Variants in SORCS1 observed in about 807,000 individuals in gnomAD.
SORCS1 encodes sortilin related VPS10 domain containing receptor 1, also known as VPS10 domain-containing receptor SorCS1.
In SORCS1, 60 loss-of-function variants were observed where a neutral mutation model predicts 146.1. That is an observed-to-expected ratio of 0.41 (90% CI 0.33 to 0.51). SORCS1 has a LOEUF of 0.51. Ranked by LOEUF, SORCS1 falls within the 20% of genes least tolerant of loss-of-function variation. SORCS1 has a pLI of 0.21. For synonymous variants in SORCS1, 637 were observed against 584.0 expected (o/e 1.09, Z -1.31); for missense variants, 1,352 against 1,487.6 (o/e 0.91, Z 1.50).
chr10:106,902,455 A>G (rs1032675739), intron 2 of SORCS1, among the ~76,000 whole-genome samples: 3 of 152,216 alleles, frequency 2.0e-5, no homozygotes, highest in Admixed American at 2.0e-4. Context: ...ATACATTAGA[A>G]TACTTAAACA....
At chr10:106,884,328 G>C (rs886671856) in intron 2 of SORCS1, among the ~76,000 whole-genome samples, 19 of 152,128 alleles carry the variant, frequency 1.2e-4, no homozygotes, top group Non-Finnish European at 2.4e-4. Context: ...GATTATCTAA[G>C]CTATAACCAC....
chr10:106,795,562 A>C (rs997190116), intron 3 of SORCS1, among the ~76,000 whole-genome samples: 2 of 152,190 alleles, frequency 1.3e-5, no homozygotes, highest in African/African-American at 4.8e-5. Flanking sequence ...TGGCTAAAAG[A>C]GGGGTAAGAA....
chr10:106,669,395 G>T (rs888761845), intron 16 of SORCS1, among the ~76,000 whole-genome samples: 1 of 151,826 alleles, frequency 6.6e-6, no homozygotes, highest in Admixed American at 6.6e-5. Context: ...TTCTACCAGA[G>T]AATAAATTTG....
Position 106,928,398 on chromosome 10 carries a change from C to T in SORCS1, c.626+28115G>A, listed in dbSNP as rs186884860. ...CGGCAGGCTGCTCCGAGTGCGGGGCCGCCAAGCCCGCGCCCACCCGGAACT... is the reference window on the plus strand; with the variant it reads ...CGGCAGGCTGCTCCGAGTGCGGGGCTGCCAAGCCCGCGCCCACCCGGAACT... On this transcript the variant is annotated intron_variant, in intron 2 of 25. Coordinates refer to ENST00000263054, the MANE Select transcript of SORCS1 (RefSeq NM_052918.5). 9.2e-3 allele frequency among the ~76,000 whole-genome samples: 1,397 copies of T among 152,342 alleles called. 10 individuals are homozygous for T. Among genetic ancestry groups the T allele is most frequent in the Non-Finnish European group, 0.014 (935 of 68,026 alleles).
At chr10:107,165,841 A>T (rs149622734), upstream of SORCS1, among the ~76,000 whole-genome samples, 821 of 152,310 alleles carry the variant, frequency 5.4e-3, 8 homozygotes, top group African/African-American at 0.017. This position sits in a 1 kb window ranked among gnomAD's most constrained non-coding sequence, Gnocchi z 4.0. Flanking sequence ...TAAGCTTTAA[A>T]ATTAAATGGT....
chr10:106,606,806 A>C (rs1470314523), intron 23 of SORCS1, among the ~76,000 whole-genome samples: 1 of 152,146 alleles, frequency 6.6e-6, no homozygotes, highest in African/African-American at 2.4e-5. Flanking sequence ...AGTTCTCACA[A>C]GATCTGATGG....
chr10:106,799,399 G>A (rs868708947), intron 3 of SORCS1, among the ~76,000 whole-genome samples: 15 of 152,120 alleles, frequency 9.9e-5, no homozygotes, highest in African/African-American at 3.4e-4. Context: ...TTAAACTAAC[G>A]AGCTTCTGCA....
At chr10:106,909,536 T>C (rs1952051059) in intron 2 of SORCS1, among the ~76,000 whole-genome samples, 1 of 152,172 alleles carries the variant, frequency 6.6e-6, no homozygotes, top group Non-Finnish European at 1.5e-5. Flanking sequence ...TTTCTCTACT[T>C]AACCTCTGCA....
chr10:107,034,849 C>G (rs1958827335), intron 1 of SORCS1, among the ~76,000 whole-genome samples: 1 of 151,856 alleles, frequency 6.6e-6, no homozygotes, highest in African/African-American at 2.4e-5. Context: ...CAATTTTTCC[C>G]CATAAACGGT....
chr10:106,605,157 TAC>T (rs1344256661), intron 23 of SORCS1, among the ~76,000 whole-genome samples: 11 of 152,244 alleles, frequency 7.2e-5, no homozygotes, highest in African/African-American at 2.4e-4. Context: ...CAATGACTGA[TAC>T]AGTCTGCCTT....
At chr10:106,824,999 A>C (rs1057421703) in intron 3 of SORCS1, among the ~76,000 whole-genome samples, 7 of 152,222 alleles carry the variant, frequency 4.6e-5, no homozygotes, top group Non-Finnish European at 7.3e-5. Context: ...CCACAAGGAT[A>C]AAACAACTAA....
At chr10:106,733,395 C>A (rs35967113) in intron 5 of SORCS1, among the ~76,000 whole-genome samples, 1 of 151,916 alleles carries the variant, frequency 6.6e-6, no homozygotes, top group Non-Finnish European at 1.5e-5. Context: ...ATTATTGCTG[C>A]TTTTACTTTA....
chr10:106,959,392 ATTTC>A (rs758754976), intron 1 of SORCS1, among the ~76,000 whole-genome samples: 5 of 152,146 alleles, frequency 3.3e-5, no homozygotes, highest in South Asian at 4.1e-4. Context: ...ATTATTTGAG[ATTTC>A]TTTTTCTTTT....
intron 1 of SORCS1, among the ~76,000 whole-genome samples, chr10:107,053,896 T>C (rs916956166): frequency 6.6e-6 from 1 of 152,146 alleles, no homozygotes; most frequent in Non-Finnish European, 1.5e-5. Context: ...CTCGTTTCTA[T>C]ACAGAGTCCC....
At chr10:106,825,578 T>A (rs1948265727) in intron 3 of SORCS1, among the ~76,000 whole-genome samples, 1 of 152,150 alleles carries the variant, frequency 6.6e-6, no homozygotes, top group African/African-American at 2.4e-5. Context: ...AGCCAAGTTT[T>A]TTTTTTTTCT....
chr10:107,134,280 G>A (rs1047361423), intron 1 of SORCS1, among the ~76,000 whole-genome samples: 8 of 152,082 alleles, frequency 5.3e-5, no homozygotes, highest in Admixed American at 2.6e-4. Context: ...TAAACTTTAC[G>A]CTTTTAACTC....
intron 1 of SORCS1, among the ~76,000 whole-genome samples, chr10:107,124,216 T>C (rs1317816002): frequency 2.0e-5 from 3 of 152,330 alleles, no homozygotes; most frequent in South Asian, 4.1e-4. Context: ...TGTGTTGTTA[T>C]TGTTCTTGCT....
intron 6 of SORCS1, among the ~76,000 whole-genome samples, chr10:106,709,714 C>T (rs1178045948): frequency 6.6e-6 from 1 of 152,150 alleles, no homozygotes; most frequent in East Asian, 1.9e-4. Flanking sequence ...TCCCAAAGTG[C>T]TGGGATTACA....
intron 1 of SORCS1, among the ~76,000 whole-genome samples, chr10:107,075,880 T>C (rs1463035211): frequency 6.6e-6 from 1 of 152,100 alleles, no homozygotes; most frequent in Non-Finnish European, 1.5e-5. Flanking sequence ...AGGCAACGAT[T>C]TTCTTAGGGA....
Sources: gnomAD v4.1 joint callset for allele counts (sites outside exome capture counted in the v4.1 genomes callset) on GRCh38, gnomAD v4.1.1 for gene constraint, Gnocchi (gnomAD v3.1) non-coding constraint, MANE v1.5 for transcripts, NCBI Gene and HGNC (gene_info 2026-07-23, HGNC 2026-07-21) for gene names.